Variants in SEMA3A observed in about 807,000 individuals in gnomAD.
SEMA3A encodes semaphorin 3A.
A neutral mutation model predicts 97.9 loss-of-function variants in SEMA3A; 29 were observed. The ratio of observed to expected loss-of-function variants is 0.30; its 90% confidence interval spans 0.22 to 0.40. The LOEUF (loss-of-function observed/expected upper bound fraction) is 0.40. SEMA3A is among the 10% of genes least tolerant of loss of function. The pLI is 1.00. For synonymous variants in SEMA3A, 321 were observed against 323.7 expected, an observed-to-expected ratio of 0.99 and a Z score of 0.09; for missense variants, 763 against 951.3, an observed-to-expected ratio of 0.80 and a Z score of 2.60.
At chr7:84,170,631 A>G (rs1797357098) in intron 1 of SEMA3A, among the ~76,000 whole-genome samples, 1 of 152,044 alleles carries the variant, frequency 6.6e-6, no homozygotes, top group Non-Finnish European at 1.5e-5. Flanking sequence ...TAAAGTAATT[A>G]ACTTGTTTTA....
At chr7:84,138,341 A>G (rs1049774785) in intron 1 of SEMA3A, among the ~76,000 whole-genome samples, 4 of 152,156 alleles carry the variant, frequency 2.6e-5, no homozygotes, top group African/African-American at 9.7e-5. Flanking sequence ...TATTAAATGT[A>G]ATGGCATTTT....
chr7:84,352,516 T>G (rs192371181), intron 2 of SEMA3A, among the ~76,000 whole-genome samples: 261 of 151,884 alleles, frequency 1.7e-3, no homozygotes, highest in African/African-American at 6.0e-3. Context: ...ATGCACCTAC[T>G]ATGTACCCAT....
chr7:84,335,088 T>G (rs1802004955), intron 2 of SEMA3A, among the ~76,000 whole-genome samples: 1 of 152,170 alleles, frequency 6.6e-6, no homozygotes, highest in African/African-American at 2.4e-5. Flanking sequence ...AATTTTCAAT[T>G]TTTTGAAATA....
intron 4 of SEMA3A, among the ~76,000 whole-genome samples, chr7:84,063,278 T>A (rs1177385851): frequency 1.3e-5 from 2 of 149,842 alleles, no homozygotes; most frequent in Non-Finnish European, 3.0e-5. Context: ...TACATCACCA[T>A]CATTGAGGAC....
chr7:84,376,801 T>C (rs753469424), intron 1 of SEMA3A, among the ~76,000 whole-genome samples: 3 of 152,104 alleles, frequency 2.0e-5, no homozygotes, highest in Non-Finnish European at 2.9e-5. Context: ...TGTCTTCTTT[T>C]GAGAAATGTC....
chr7:84,058,162 T>C (rs2115672377), intron 5 of SEMA3A, among the ~76,000 whole-genome samples: 1 of 152,294 alleles, frequency 6.6e-6, no homozygotes, highest in South Asian at 2.1e-4. Context: ...AACCTGAAAT[T>C]TTATTTCCCA....
rs1045340779 is a variant in SEMA3A at position 84,343,065 on chromosome 7, C to A, written c.-169+28759G>T. Among the ~76,000 whole-genome samples, 3 of 152,224 alleles carry A rather than the reference C, an allele frequency of 2.0e-5. No homozygotes were observed. The East Asian group carries it at 5.8e-4, about 29-fold the overall frequency. ...TCACAAGCATACCATGTAGGCACTA[C>A]TGTTACCACTAACATTCATAGACCA... On this transcript the variant is annotated intron_variant, in intron 2 of 3. Coordinates refer to the SEMA3A transcript ENST00000424555.
At chr7:84,390,151 T>G (rs920975746) in intron 1 of SEMA3A, among the ~76,000 whole-genome samples, 3 of 151,966 alleles carry the variant, frequency 2.0e-5, no homozygotes, top group Non-Finnish European at 4.4e-5. Context: ...ATACAATAAA[T>G]ACATGATTGT....
At chr7:84,362,873 A>G (rs1232119788) in intron 2 of SEMA3A, among the ~76,000 whole-genome samples, 1 of 151,962 alleles carries the variant, frequency 6.6e-6, no homozygotes, top group African/African-American at 2.4e-5. Context: ...GACTGAGTAG[A>G]CTCTATCTAG....
At chr7:84,144,744 G>A (rs1796414100) in intron 1 of SEMA3A, among the ~76,000 whole-genome samples, 1 of 152,086 alleles carries the variant, frequency 6.6e-6, no homozygotes, top group Non-Finnish European at 1.5e-5. Flanking sequence ...TCAAACAAGT[G>A]AATTTTAAGG....
rs1009081266 is a variant in SEMA3A at position 84,004,477 on chromosome 7, T to TAACA, written c.1360+858_1360+861dup. On this transcript the variant is annotated intron_variant, in intron 11 of 16. Coordinates refer to ENST00000265362, the MANE Select transcript of SEMA3A (RefSeq NM_006080.3). ...AGAAACACTGAAAAAATTTTATTGC[T>TAACA]AACATTTATTTACTAGATGATGTTC... 7.9e-5 allele frequency among the ~76,000 whole-genome samples: 12 copies of TAACA among 152,236 alleles called. 2 individuals are homozygous for TAACA. The South Asian group carries it at 2.3e-3, about 29-fold the overall frequency.
chr7:84,133,478 A>C (rs893375577), intron 2 of SEMA3A, among the ~76,000 whole-genome samples: 1 of 152,148 alleles, frequency 6.6e-6, no homozygotes, highest in African/African-American at 2.4e-5. Context: ...ATTATCATCA[A>C]ATCTGCTATT....
At chr7:84,363,735 A>G (rs538075924) in intron 2 of SEMA3A, among the ~76,000 whole-genome samples, 1 of 152,006 alleles carries the variant, frequency 6.6e-6, no homozygotes, top group East Asian at 1.9e-4. Flanking sequence ...ATTGTTATCA[A>G]TTCCAGCTCC....
At chr7:83,970,572 A>G (rs1210718535) in intron 15 of SEMA3A, among the ~76,000 whole-genome samples, 2 of 152,204 alleles carry the variant, frequency 1.3e-5, no homozygotes, top group Non-Finnish European at 2.9e-5. Flanking sequence ...GAGGTTGTGA[A>G]CCATATTCAT....
At chr7:84,338,352 G>C (rs1584249375) in intron 2 of SEMA3A, among the ~76,000 whole-genome samples, 1 of 151,972 alleles carries the variant, frequency 6.6e-6, no homozygotes, top group Non-Finnish European at 1.5e-5. Flanking sequence ...CCAAAGTGTA[G>C]GTTGAGGAGG....
At chr7:83,978,347 C>T (rs952375479) in intron 14 of SEMA3A, among the ~76,000 whole-genome samples, 1 of 152,146 alleles carries the variant, frequency 6.6e-6, no homozygotes. Flanking sequence ...AGCTGCAGCA[C>T]GTTGTGGGTA....
At chr7:84,329,440 A>G (rs1353468348) in intron 2 of SEMA3A, among the ~76,000 whole-genome samples, 3 of 151,968 alleles carry the variant, frequency 2.0e-5, no homozygotes, top group African/African-American at 7.2e-5. Flanking sequence ...TGTTAGTGTT[A>G]ATATATTTTA....
At chr7:84,301,961 C>T (rs1213740314) in intron 3 of SEMA3A, among the ~76,000 whole-genome samples, 1 of 152,036 alleles carries the variant, frequency 6.6e-6, no homozygotes, top group African/African-American at 2.4e-5. Flanking sequence ...CATATTCATA[C>T]AAAGACTTGT....
chr7:84,150,684 G>A (rs1252270861), intron 1 of SEMA3A, among the ~76,000 whole-genome samples: 1 of 152,152 alleles, frequency 6.6e-6, no homozygotes, highest in Non-Finnish European at 1.5e-5. Context: ...CCATTGCCCA[G>A]GCTTGATTAG....
Sources: allele counts gnomAD v4.1 joint callset (sites outside exome capture counted in the v4.1 genomes callset), GRCh38; gene constraint gnomAD v4.1.1; transcripts MANE v1.5; gene names NCBI Gene and HGNC (gene_info 2026-07-23, HGNC 2026-07-21).